ARFGEF1: variants seen among roughly 807,000 people sequenced by gnomAD.
The protein encoded by ARFGEF1 is brefeldin A-inhibited guanine nucleotide-exchange protein 1.
A neutral mutation model predicts 231.0 loss-of-function variants in ARFGEF1; 42 were observed. That is an observed-to-expected ratio of 0.18 (90% confidence interval 0.14 to 0.24). The LOEUF is 0.24. Among genes scored for constraint, ARFGEF1 ranks in the 10% least tolerant of loss-of-function variants. The pLI is 1.00. For missense variants in ARFGEF1, 1,345 were observed against 2,192.0 expected, an observed-to-expected ratio of 0.61 and a Z score of 7.72; for synonymous variants, 710 against 732.3, an observed-to-expected ratio of 0.97 and a Z score of 0.49.
intron 18 of ARFGEF1, 92 bp from the exon 19 acceptor site, chr8:67,251,542 A>C (rs1281330475): frequency 1.7e-6 from 2 of 1,207,572 alleles, no homozygotes; most frequent in Non-Finnish European, 2.2e-6. Context: ...CACCACCAGT[A>C]ATTAAAAGTA....
At chr8:67,214,470 T>C (rs1389086362) in intron 33 of ARFGEF1, among the ~76,000 whole-genome samples, 1 of 152,220 alleles carries the variant, frequency 6.6e-6, no homozygotes, top group South Asian at 2.1e-4. Flanking sequence ...AAAAAGAAAC[T>C]GCCAGTTGAT....
chr8:67,315,905 C>G (rs548209693), intron 1 of ARFGEF1, among the ~76,000 whole-genome samples: 4 of 151,706 alleles, frequency 2.6e-5, no homozygotes, highest in Non-Finnish European at 5.9e-5. Flanking sequence ...AAGCTCCCAC[C>G]TTAAGAAACT....
chr8:67,280,969 T>C (rs1020259555), intron 7 of ARFGEF1, among the ~76,000 whole-genome samples: 101 of 151,540 alleles, frequency 6.7e-4, no homozygotes, highest in African/African-American at 2.4e-3. Flanking sequence ...CCAGTTAGTA[T>C]AGTCAGTGAT....
chr8:67,284,479 A>G (rs2128905250), intron 7 of ARFGEF1, among the ~76,000 whole-genome samples: 1 of 152,286 alleles, frequency 6.6e-6, no homozygotes, highest in East Asian at 1.9e-4. Context: ...AAAACGAACC[A>G]ATAAAATAAT....
chr8:67,298,104 T>G (rs1806317262), intron 4 of ARFGEF1, among the ~76,000 whole-genome samples: 1 of 130,430 alleles, frequency 7.7e-6, no homozygotes. Context: ...CCATGCCCAG[T>G]ATTTTTTTTT....
chr8:67,292,055 T>C lies in ARFGEF1; in HGVS notation c.708A>G (p.Val236=), dbSNP rs773673420. The C allele has an allele frequency of 1.2e-6, 2 of 1,613,980 alleles. No homozygotes were observed. The highest frequency in any genetic ancestry group is 3.3e-5 in the Admixed American group (2 of 60,008). ...RQHHHLLQSP[V]SHHEPESPQL... ...GAGGTGATTCAGGCTCGTGATGGCT[T>C]ACTGGAGACTGTAACAGATGATGAT... The change falls in exon 6 of 39, where the codon GTA becomes GTG. Residue 236 remains valine, a synonymous_variant. Coordinates refer to ENST00000262215, the MANE Select transcript of ARFGEF1 (RefSeq NM_006421.5).
chr8:67,222,182 C>CATATATATATATATATATATACACAT (rs1554636787), intron 29 of ARFGEF1, among the ~76,000 whole-genome samples: 21 of 117,738 alleles, frequency 1.8e-4, no homozygotes, highest in Non-Finnish European at 2.8e-4. Context: ...TATATATACA[C>CATATATATATATATATATATACACAT]ATATATATAT....
intron 30 of ARFGEF1, 65 bp from the exon 31 acceptor site, chr8:67,218,203 AAAAAATATATATAT>A (rs1321917350): frequency 3.0e-5 from 5 of 166,446 alleles, no homozygotes; most frequent in African/African-American, 2.5e-4. Flanking sequence ...AAAAAAAAAA[AAAAAATATATATAT>A]ATATATATAT....
intron 1 of ARFGEF1, among the ~76,000 whole-genome samples, chr8:67,323,977 A>T: frequency 6.6e-6 from 1 of 151,678 alleles, no homozygotes; most frequent in East Asian, 1.9e-4. Flanking sequence ...ATTTTTTTGT[A>T]TTTTTACTAG....
At chr8:67,334,291 A>C (rs1288554698) in intron 1 of ARFGEF1, among the ~76,000 whole-genome samples, 1 of 151,900 alleles carries the variant, frequency 6.6e-6, no homozygotes, top group African/African-American at 2.4e-5. Flanking sequence ...GTCCAAAAAA[A>C]AAAAAAAAAA....
At chr8:67,307,988 T>C (rs934677202) in intron 1 of ARFGEF1, among the ~76,000 whole-genome samples, 1 of 152,212 alleles carries the variant, frequency 6.6e-6, no homozygotes, top group Non-Finnish European at 1.5e-5. Context: ...TGGAGCCCAA[T>C]GGCCCTGTTG....
intron 1 of ARFGEF1, among the ~76,000 whole-genome samples, chr8:67,332,760 C>G (rs1563920728): frequency 6.6e-6 from 1 of 152,094 alleles, no homozygotes; most frequent in Non-Finnish European, 1.5e-5. Flanking sequence ...AAAGGTGCAG[C>G]ACAGGACTGA....
chr8:67,267,300 C>G (rs1228843740), intron 11 of ARFGEF1, 43 bp downstream of exon 11: 2 of 1,586,904 alleles, frequency 1.3e-6, no homozygotes, highest in African/African-American at 2.7e-5. Flanking sequence ...TTTTAAATAT[C>G]TAATAATAAG....
chr8:67,195,997 T>A (rs1837866580), downstream of ARFGEF1: 1 of 170,192 alleles, frequency 5.9e-6, no homozygotes, highest in Non-Finnish European at 1.3e-5. Context: ...AGTAGGTACA[T>A]CTATTGTAGC....
chr8:67,269,351 T>TA (rs1491541488), intron 10 of ARFGEF1, among the ~76,000 whole-genome samples: 1 of 111,826 alleles, frequency 8.9e-6, no homozygotes, highest in African/African-American at 4.1e-5. Context: ...CACGTTCAGC[T>TA]TTTTTTTTTT....
At chr8:67,318,036 G>A (rs578036261) in intron 1 of ARFGEF1, among the ~76,000 whole-genome samples, 1 of 151,742 alleles carries the variant, frequency 6.6e-6, no homozygotes, top group South Asian at 2.1e-4. Flanking sequence ...AGGAGATCGA[G>A]ACCATCCTGG....
At chr8:67,262,321 T>C (rs1804662246) in intron 14 of ARFGEF1, among the ~76,000 whole-genome samples, 2 of 152,170 alleles carry the variant, frequency 1.3e-5, no homozygotes, top group Non-Finnish European at 2.9e-5. Flanking sequence ...AAGTAAAGTG[T>C]GAAGATGACA....
At chr8:67,216,293 A>G (rs1838929511) in intron 33 of ARFGEF1, among the ~76,000 whole-genome samples, 1 of 152,182 alleles carries the variant, frequency 6.6e-6, no homozygotes, top group Admixed American at 6.5e-5. Context: ...GTGCCTTAAA[A>G]AAGGACTGGA....
intron 5 of ARFGEF1, among the ~76,000 whole-genome samples, chr8:67,177,070 CAAAA>C (rs36084458): frequency 1.9e-5 from 1 of 51,864 alleles, no homozygotes; most frequent in East Asian, 5.9e-4. Context: ...GACTTAGTCT[CAAAA>C]AAAAAAAAAA....
Sources: allele counts gnomAD v4.1 joint callset (sites outside exome capture counted in the v4.1 genomes callset), GRCh38; gene constraint gnomAD v4.1.1; transcripts MANE v1.5; gene names NCBI Gene and HGNC (gene_info 2026-07-23, HGNC 2026-07-21).